The following TPST1 variants were observed in gnomAD, a reference collection of about 807,000 sequenced individuals.
The protein encoded by TPST1 is tyrosylprotein sulfotransferase 1.
Under a neutral mutation model 34.8 loss-of-function variants are expected in TPST1, and 20 were observed. The ratio of observed to expected loss-of-function variants is 0.57; its 90% CI spans 0.40 to 0.84. TPST1 has a LOEUF of 0.84. TPST1 is among the 40% of genes least tolerant of loss of function. TPST1 has a pLI of 0.00. For synonymous variants in TPST1, 152 were observed against 159.4 expected, an observed-to-expected ratio of 0.95 and a Z score of 0.35; for missense variants, 353 against 455.5, an observed-to-expected ratio of 0.78 and a Z score of 2.05.
chr7:66,338,941 C>T (rs779226881), intron 3 of TPST1, among the ~76,000 whole-genome samples: 7 of 150,994 alleles, frequency 4.6e-5, no homozygotes, highest in African/African-American at 1.2e-4. Context: ...TTTTTTTCTC[C>T]GTGAAAAAAG....
chr7:66,304,603 T>A (rs1250076473), intron 3 of TPST1, among the ~76,000 whole-genome samples: 1 of 152,152 alleles, frequency 6.6e-6, no homozygotes, highest in African/African-American at 2.4e-5. Context: ...TAAACCATAT[T>A]TAACTGCCAG....
At chr7:66,233,864 C>G (rs956947976) in intron 1 of TPST1, among the ~76,000 whole-genome samples, 3 of 152,142 alleles carry the variant, frequency 2.0e-5, no homozygotes, top group African/African-American at 7.2e-5. Context: ...CTACTTCCTG[C>G]TTCTTTTTTT....
intron 2 of TPST1, 127 bp downstream of exon 2, chr7:66,241,397 C>T: frequency 3.5e-6 from 4 of 1,148,324 alleles, no homozygotes; most frequent in Non-Finnish European, 4.6e-6. Context: ...AACTGAAGAC[C>T]TTTTCTGGAA....
chr7:66,345,964 C>A (rs1792343956), intron 3 of TPST1, among the ~76,000 whole-genome samples: 2 of 151,802 alleles, frequency 1.3e-5, no homozygotes, highest in Admixed American at 1.3e-4. Context: ...TATCCCCTCC[C>A]CCACCCACCT....
At chr7:66,204,083 A>C (rs1366007279), upstream of TPST1, among the ~76,000 whole-genome samples, 1 of 151,952 alleles carries the variant, frequency 6.6e-6, no homozygotes, top group South Asian at 2.1e-4. Flanking sequence ...AGGCGGAGGC[A>C]TGAGAATCAC....
chr7:66,313,090 A>T (rs117953205), intron 3 of TPST1, among the ~76,000 whole-genome samples: 1 of 151,718 alleles, frequency 6.6e-6, no homozygotes, highest in Non-Finnish European at 1.5e-5. Context: ...ATATCAAGGC[A>T]CAAAAAAATG....
intron 2 of TPST1, among the ~76,000 whole-genome samples, chr7:66,260,050 T>C (rs1373805565): frequency 2.6e-5 from 4 of 152,192 alleles, no homozygotes; most frequent in South Asian, 4.1e-4. Flanking sequence ...CTTAGTAATA[T>C]GCTCTTTACT....
chr7:66,244,129 A>G (rs1297363982), intron 2 of TPST1, among the ~76,000 whole-genome samples: 1 of 151,178 alleles, frequency 6.6e-6, no homozygotes, highest in African/African-American at 2.4e-5. Flanking sequence ...TTTTATTTTT[A>G]TTTTTAGTGG....
intron 3 of TPST1, among the ~76,000 whole-genome samples, chr7:66,315,629 G>T (rs1255052625): frequency 6.6e-6 from 1 of 152,194 alleles, no homozygotes; most frequent in East Asian, 1.9e-4. Context: ...TGATGCGCAA[G>T]AACTGAATGG....
chr7:66,284,772 G>T (rs1584207367), intron 2 of TPST1, among the ~76,000 whole-genome samples: 3 of 151,966 alleles, frequency 2.0e-5, no homozygotes, highest in Admixed American at 6.6e-5. Flanking sequence ...GGCCAGGATG[G>T]TCTCGAACTC....
At chr7:66,230,936 T>A (rs1789772707) in intron 1 of TPST1, among the ~76,000 whole-genome samples, 1 of 152,144 alleles carries the variant, frequency 6.6e-6, no homozygotes, top group African/African-American at 2.4e-5. Flanking sequence ...ACACAAAGGT[T>A]CTCCAAGGCC....
At chr7:66,244,228 C>T (rs1648721535) in intron 2 of TPST1, among the ~76,000 whole-genome samples, 1 of 152,106 alleles carries the variant, frequency 6.6e-6, no homozygotes, top group Admixed American at 6.6e-5. Context: ...GCTGGGATTA[C>T]AGGCGTGAGC....
chr7:66,278,100 CAAAA>C (rs35654351), intron 2 of TPST1, among the ~76,000 whole-genome samples: 125 of 50,238 alleles, frequency 2.5e-3, no homozygotes, highest in Non-Finnish European at 3.3e-3. Context: ...GACTCCATCT[CAAAA>C]AAAAAAAAAA....
chr7:66,232,518 G>A (rs555931190), intron 1 of TPST1, among the ~76,000 whole-genome samples: 2 of 152,004 alleles, frequency 1.3e-5, no homozygotes, highest in East Asian at 3.9e-4. Context: ...GACTACAGGC[G>A]CCCACCACCA....
upstream of TPST1, among the ~76,000 whole-genome samples, chr7:66,200,372 G>A (rs756445807): frequency 4.0e-5 from 6 of 151,802 alleles, no homozygotes; most frequent in Non-Finnish European, 5.9e-5. Context: ...TGAGCCCTTT[G>A]AATTGCCTGA....
intron 2 of TPST1, among the ~76,000 whole-genome samples, chr7:66,253,517 G>T (rs758601194): frequency 6.6e-6 from 1 of 151,700 alleles, no homozygotes; most frequent in African/African-American, 2.4e-5. Flanking sequence ...GACTACAGGC[G>T]TGTGCCACCA....
chr7:66,342,382 AATC>A (rs1203323247), intron 3 of TPST1, among the ~76,000 whole-genome samples: 1 of 152,194 alleles, frequency 6.6e-6, no homozygotes, highest in Non-Finnish European at 1.5e-5. Flanking sequence ...GAGAAGGGGA[AATC>A]ATCATCTTGA....
chr7:66,283,978 A>T (rs2115913662), intron 2 of TPST1, among the ~76,000 whole-genome samples: 1 of 152,292 alleles, frequency 6.6e-6, no homozygotes. Context: ...TTTATGCTTG[A>T]TATATATAAA....
intron 3 of TPST1, among the ~76,000 whole-genome samples, chr7:66,296,019 A>G (rs1791184561): frequency 6.6e-6 from 1 of 152,110 alleles, no homozygotes; most frequent in Admixed American, 6.5e-5. Context: ...AGGGTTTTTT[A>G]TTACCAAGAT....
Sources: allele counts gnomAD v4.1 joint callset (sites outside exome capture counted in the v4.1 genomes callset), GRCh38; gene constraint gnomAD v4.1.1; transcripts MANE v1.5; gene names NCBI Gene and HGNC (gene_info 2026-07-23, HGNC 2026-07-21).